The following NTM variants were observed in gnomAD, a reference collection of about 807,000 sequenced individuals.
NTM encodes IgLON family member 2.
NTM carries 13 observed loss-of-function variants against 42.1 expected under a neutral mutation model. That is an observed-to-expected ratio of 0.31 (90% CI 0.20 to 0.49). NTM has a LOEUF of 0.49. Among genes scored for constraint, NTM ranks in the 20% least tolerant of loss-of-function variants. The probability of loss-of-function intolerance (pLI) is 0.99; values close to 1 mark genes in which losing one functional copy is unlikely to be tolerated. For synonymous variants in NTM, 187 were observed against 179.2 expected (o/e 1.04, Z -0.35); for missense variants, 373 against 452.8 (o/e 0.82, Z 1.60).
At chr11:131,810,189 G>C (rs58093477) in intron 1 of NTM, among the ~76,000 whole-genome samples, 29,659 of 152,000 alleles carry the variant, frequency 0.2, 5,821 homozygotes, top group African/African-American at 0.51. Flanking sequence ...TAAGGCTTCT[G>C]TCCTCCTACC....
chr11:131,504,087 G>T (rs769722920), intron 1 of NTM, among the ~76,000 whole-genome samples: 4 of 152,110 alleles, frequency 2.6e-5, no homozygotes, highest in African/African-American at 4.8e-5. Context: ...GCTCATCCAG[G>T]GCTCCCTGGC....
chr11:131,635,734 C>T (rs2064285503), intron 1 of NTM, among the ~76,000 whole-genome samples: 1 of 151,968 alleles, frequency 6.6e-6, no homozygotes, highest in South Asian at 2.1e-4. Flanking sequence ...ATAATGTGTA[C>T]AGTAATGTCC....
At chr11:131,916,176 G>T (rs748571659) in intron 2 of NTM, among the ~76,000 whole-genome samples, 6 of 152,230 alleles carry the variant, frequency 3.9e-5, no homozygotes, top group Non-Finnish European at 4.4e-5. Flanking sequence ...GACTGCACTA[G>T]CTCCTAGCTC....
intron 2 of NTM, among the ~76,000 whole-genome samples, chr11:132,144,310 A>G (rs546855305): frequency 1.6e-4 from 25 of 152,292 alleles, no homozygotes; most frequent in African/African-American, 6.0e-4. Context: ...GACCTACTGA[A>G]TCAGCATCTG....
intron 1 of NTM, among the ~76,000 whole-genome samples, chr11:131,607,149 C>G (rs1044856666): frequency 6.6e-6 from 1 of 152,190 alleles, no homozygotes; most frequent in Non-Finnish European, 1.5e-5. Flanking sequence ...ATGTCTGCAT[C>G]ACTTGCGACC....
At chr11:132,069,267 A>T (rs12277055) in intron 2 of NTM, among the ~76,000 whole-genome samples, 2 of 116,230 alleles carry the variant, frequency 1.7e-5, no homozygotes, top group Non-Finnish European at 3.7e-5. Context: ...ACCATCACAG[A>T]TTAGTTAACA....
At chr11:131,819,739 C>G (rs1250403440) in intron 1 of NTM, among the ~76,000 whole-genome samples, 3 of 152,206 alleles carry the variant, frequency 2.0e-5, no homozygotes, top group African/African-American at 4.8e-5. Context: ...GGGATGGAAA[C>G]ACGTCCGTGT....
chr11:131,942,672 G>A lies in NTM; in HGVS notation c.167+31024G>A, dbSNP rs1593056068. On this transcript the variant is annotated intron_variant, in intron 2 of 8. Transcript: ENST00000683400. ...AGAATGCATAGAGTTTAGGCTGGGT[G>A]TGGTGGCTTATGCTTGTAATCCCAA... Among the ~76,000 whole-genome samples the A allele has an allele frequency of 2.0e-5, 3 of 152,300 alleles. No homozygotes were observed. The South Asian group carries it at 6.2e-4, about 32-fold the overall frequency.
At chr11:132,120,685 T>C (rs1265297923) in intron 2 of NTM, among the ~76,000 whole-genome samples, 1 of 152,204 alleles carries the variant, frequency 6.6e-6, no homozygotes, top group East Asian at 1.9e-4. Flanking sequence ...CTGCTTAGGG[T>C]TCTGCAAGGA....
intron 1 of NTM, among the ~76,000 whole-genome samples, chr11:131,445,104 T>A (rs965052102): frequency 6.6e-6 from 1 of 152,232 alleles, no homozygotes; most frequent in Non-Finnish European, 1.5e-5. Flanking sequence ...ATGATGATCC[T>A]TATTATAGCC....
intron 1 of NTM, among the ~76,000 whole-genome samples, chr11:131,405,263 T>C (rs1394148807): frequency 6.6e-6 from 1 of 152,176 alleles, no homozygotes; most frequent in Non-Finnish European, 1.5e-5. Context: ...TGACTGCCAA[T>C]TTTATATCAA....
chr11:132,094,547 G>C (rs951041591), intron 2 of NTM, among the ~76,000 whole-genome samples: 27 of 152,186 alleles, frequency 1.8e-4, no homozygotes, highest in Admixed American at 1.6e-3. Flanking sequence ...ATGAATGAGA[G>C]TGGCATGGAT....
At chr11:131,541,322 C>A (rs554258748) in intron 1 of NTM, among the ~76,000 whole-genome samples, 1 of 152,338 alleles carries the variant, frequency 6.6e-6, no homozygotes, top group South Asian at 2.1e-4. Context: ...TCACCAAAGA[C>A]TATTTGGAGG....
At chr11:131,593,749 G>A (rs140566443) in intron 1 of NTM, among the ~76,000 whole-genome samples, 12 of 152,206 alleles carry the variant, frequency 7.9e-5, no homozygotes, top group African/African-American at 2.2e-4. Context: ...TTTCTTTTGC[G>A]CCACATTCTG....
chr11:132,330,278 A>G, intron 8 of NTM, 93 bp downstream of exon 8: 3 of 1,432,328 alleles, frequency 2.1e-6, no homozygotes, highest in Non-Finnish European at 2.9e-6. Context: ...TCCTGAGCTA[A>G]CTCCAGGAAG....
At position 131,990,188 on chromosome 11, in the gene NTM, C is replaced by T. The variant is rs1257744186; in HGVS notation, c.167+78540C>T. ...TTTTAAACGTTTTCAACTCTCATAGCTGATAAATGGAAAATTCTAGATTTG... is the reference window on the plus strand; with the variant it reads ...TTTTAAACGTTTTCAACTCTCATAGTTGATAAATGGAAAATTCTAGATTTG... On this transcript the variant is annotated intron_variant, in intron 2 of 8. Coordinates refer to ENST00000683400, the MANE Select transcript of NTM (RefSeq NM_001352005.2). Among the ~76,000 whole-genome samples the T allele has an allele frequency of 2.6e-5, 4 of 152,188 alleles. No homozygotes were observed. In the East Asian group the frequency reaches 5.8e-4, roughly 22 times the overall value.
intron 1 of NTM, among the ~76,000 whole-genome samples, chr11:131,632,948 C>T (rs772156806): frequency 2.3e-4 from 35 of 152,096 alleles, no homozygotes; most frequent in Non-Finnish European, 4.4e-4. Context: ...GCTAGGATTA[C>T]AGGCGTGAGC....
At chr11:131,420,317 C>T (rs751304796) in intron 1 of NTM, among the ~76,000 whole-genome samples, 16 of 152,020 alleles carry the variant, frequency 1.1e-4, no homozygotes, top group South Asian at 2.1e-4. Context: ...TGAGGGGCCA[C>T]GAGACAAAGC....
intron 1 of NTM, among the ~76,000 whole-genome samples, chr11:131,842,578 C>T (rs1027071178): frequency 4.6e-5 from 7 of 152,232 alleles, no homozygotes; most frequent in South Asian, 2.1e-4. Flanking sequence ...GCATGTTCAA[C>T]GCATCCAGGA....
Sources: gnomAD v4.1 joint callset for allele counts (sites outside exome capture counted in the v4.1 genomes callset) on GRCh38, gnomAD v4.1.1 for gene constraint, MANE v1.5 for transcripts, NCBI Gene and HGNC (gene_info 2026-07-23, HGNC 2026-07-21) for gene names.